PER2: variants seen among roughly 807,000 people sequenced by gnomAD.
The protein encoded by PER2 is period circadian regulator 2.
In PER2, 66 loss-of-function variants were observed where a neutral mutation model predicts 121.0. That is an observed-to-expected ratio of 0.55 (90% confidence interval 0.45 to 0.67). PER2 has a LOEUF of 0.67. Ranked by LOEUF, PER2 falls within the 30% of genes least tolerant of loss-of-function variation. The pLI is 0.00. For synonymous variants in PER2, 684 were observed against 659.9 expected, an observed-to-expected ratio of 1.04 and a Z score of -0.56; for missense variants, 1,521 against 1,635.0, an observed-to-expected ratio of 0.93 and a Z score of 1.20.
chr2:238,291,961 A>G (rs1696957995), upstream of PER2, among the ~76,000 whole-genome samples: 1 of 152,216 alleles, frequency 6.6e-6, no homozygotes, highest in African/African-American at 2.4e-5. Flanking sequence ...CAGGAGTTTG[A>G]GAACAGCCTG....
the PER2 span, chr2:238,299,916 C>T: frequency 3.9e-5 from 6 of 152,252 alleles, no homozygotes. Context: ...GGCATATGCT[C>T]AGCTCTGGTC....
chr2:238,293,513 T>A (rs1469032624), upstream of PER2, among the ~76,000 whole-genome samples: 3 of 152,040 alleles, frequency 2.0e-5, no homozygotes, highest in African/African-American at 7.2e-5. Context: ...GGCAGGCAGA[T>A]CACCTGAGGT....
chr2:238,289,128 C>T (rs777429629), upstream of PER2: 4 of 152,162 alleles, frequency 2.6e-5, no homozygotes, highest in African/African-American at 9.6e-5. Flanking sequence ...GGGAGCTGGG[C>T]GCGGGGCTCC....
intron 16 of PER2, among the ~76,000 whole-genome samples, chr2:238,257,967 C>T (rs1432087527): frequency 1.3e-5 from 2 of 152,210 alleles, no homozygotes; most frequent in South Asian, 2.1e-4. Flanking sequence ...GGTCAGCAGA[C>T]GGCCCCTCAG....
chr2:238,279,231 T>C (rs142060871), intron 1 of PER2, among the ~76,000 whole-genome samples: 31 of 152,288 alleles, frequency 2.0e-4, no homozygotes, highest in African/African-American at 6.7e-4. Flanking sequence ...ATGAAGGCCC[T>C]GCTTGACACA....
At chr2:238,271,652 T>G in intron 5 of PER2, 139 bp from the exon 6 acceptor site, 1 of 696,190 alleles carries the variant, frequency 1.4e-6, no homozygotes, top group East Asian at 2.7e-5. Flanking sequence ...TGCCTAGCCC[T>G]CACCAAAAAA....
chr2:238,248,247 A>G lies in PER2; in HGVS notation c.3618+815T>C, dbSNP rs562543997. On this transcript the variant is annotated intron_variant, in intron 22 of 22. Coordinates refer to ENST00000254657, the MANE Select transcript of PER2 (RefSeq NM_022817.3). Reference sequence around the variant, plus strand: ...CTCACTGCTGCCAATGGTCCCTGGGACGAGGACTGAGAAGTGACACTGTGT... The same window carrying G: ...CTCACTGCTGCCAATGGTCCCTGGGGCGAGGACTGAGAAGTGACACTGTGT... 3.3e-5 allele frequency among the ~76,000 whole-genome samples: 5 copies of G among 152,324 alleles called. No individual in the cohort carries two copies. In the East Asian group the frequency reaches 9.7e-4, roughly 29 times the overall value.
Position 238,268,074 on chromosome 2 carries a change from CT to C in PER2, c.948del (p.Val317CysfsTer45). 1.2e-6 allele frequency: 2 copies of C among 1,614,032 alleles called. No homozygotes were observed. Among genetic ancestry groups the C allele is most frequent in the Non-Finnish European group, 1.7e-6 (2 of 1,180,008 alleles). On this transcript the variant is annotated frameshift_variant, in exon 8 of 23. Transcript: ENST00000254657. LOFTEE classifies it high-confidence loss of function. The surrounding 1 kb of genome is among the most constrained non-coding windows in gnomAD (Gnocchi z 4.0). ...CTGTTACCTTCATAACCAGAGTGCA[CT>C]CTCTCTGCCAGCAGAAGGCAGCAAA... Reference protein sequence around the residue: ...SQLCCLLLAERVHSGYEAPRI... With the variant: ...SQLCCLLLAEXVHSGYEAPRI...
chr2:238,299,211 G>T, the PER2 span: 1 of 152,074 alleles, frequency 6.6e-6, no homozygotes, highest in Non-Finnish European at 1.5e-5. Flanking sequence ...AACGCGGGAG[G>T]CAGAGGTTGC....
At chr2:238,282,089 C>A (rs1696647426) in intron 1 of PER2, among the ~76,000 whole-genome samples, 1 of 152,220 alleles carries the variant, frequency 6.6e-6, no homozygotes, top group Non-Finnish European at 1.5e-5. Flanking sequence ...CGTGCTCAGA[C>A]CCTTGCTCAG....
At chr2:238,283,314 G>A (rs1224851139) in intron 1 of PER2, among the ~76,000 whole-genome samples, 2 of 152,184 alleles carry the variant, frequency 1.3e-5, no homozygotes, top group African/African-American at 2.4e-5. Context: ...ATCTCAGCAG[G>A]GTGTCGTCTT....
In PER2 at chr2:238,253,102, C is replaced by T; in HGVS notation, c.2921G>A (p.Gly974Asp). The stretch of plus-strand genomic sequence containing the variant: ...CTGAAAGAGCGGTGGGGAGGCCCTA[C>T]CCATGGCCGATGGTGGGGTGGCCCG... The part of the protein sequence containing the change: ...ATRATPPSAM[G>D]RASPPLFQSR... The change falls in exon 19 of 23, where the codon GGT (glycine) becomes GAT (aspartate). Residue 974 changes from glycine (G) to aspartate (D), a missense_variant. Physicochemically the swap from Gly to Asp is moderately conservative, Grantham distance 94. Coordinates refer to ENST00000254657, the MANE Select transcript of PER2 (RefSeq NM_022817.3). The surrounding 1 kb of genome is among the most constrained non-coding windows in gnomAD (Gnocchi z 5.6). The T allele has an allele frequency of 6.8e-6, 11 of 1,606,900 alleles. No homozygotes were observed. The highest frequency in any genetic ancestry group is 8.5e-6 in the Non-Finnish European group (10 of 1,174,800).
the PER2 span, chr2:238,299,690 G>T: frequency 4.6e-5 from 7 of 152,254 alleles, no homozygotes; most frequent in African/African-American, 1.7e-4. Flanking sequence ...ATGGACAATT[G>T]AGTAGATAAG....
At position 238,253,700 on chromosome 2, in the gene PER2, C is replaced by T. The variant is rs373980299; in HGVS notation, c.2323G>A (p.Ala775Thr). ...CCGGAAGTATTTCTTAGTCCAGGGG[C>T]AGCTAATGCAGAAAAACAAATACTC... Reference protein sequence around the residue: ...RSKGQPSERTAPGLRNTSGID... With the variant: ...RSKGQPSERTTPGLRNTSGID... The change falls in exon 19 of 23, where the codon GCC (alanine) becomes ACC (threonine). Residue 775 changes from alanine to threonine, a missense_variant and splice_region_variant. Transcript: ENST00000254657. This position sits in a 1 kb window ranked among gnomAD's most constrained non-coding sequence, Gnocchi z 5.6. The T allele has an allele frequency of 2.8e-5, 44 of 1,598,586 alleles. 1 individual carries two copies. In the South Asian group the frequency reaches 3.5e-4, roughly 13 times the overall value.
At chr2:238,270,757 G>A (rs924987829) in intron 6 of PER2, among the ~76,000 whole-genome samples, 7 of 152,204 alleles carry the variant, frequency 4.6e-5, no homozygotes, top group Non-Finnish European at 4.4e-5. Context: ...TGGCTACAGG[G>A]GCAGGCCCAG....
chr2:238,290,014 T>C (rs1297431197), upstream of PER2: 1 of 152,228 alleles, frequency 6.6e-6, no homozygotes. Flanking sequence ...TTTACTCTTC[T>C]TGTTCTTCTT....
chr2:238,268,965 G>A lies in PER2; in HGVS notation c.782C>T (p.Thr261Ile). 3.1e-6 allele frequency: 5 copies of A among 1,611,150 alleles called. No homozygotes were observed. The highest frequency in any genetic ancestry group is 4.2e-6 in the Non-Finnish European group (5 of 1,177,216). Reference sequence around the variant, plus strand: ...AGATTTCTCCTCCATGCATTCTTGAGTAAAAGAATCTAAAAGAGAGAGCCC... The same window carrying A: ...AGATTTCTCCTCCATGCATTCTTGAATAAAAGAATCTAAAAGAGAGAGCCC... ...WSMCSGADSF[T>I]QECMEEKSFF... Residue 261 changes from threonine to isoleucine, a missense_variant, in exon 7 of 23, where the codon ACT becomes ATT. Thr to Ile is a moderately conservative substitution (Grantham distance 89, BLOSUM62 -1). Coordinates refer to ENST00000254657, the MANE Select transcript of PER2 (RefSeq NM_022817.3). This position sits in a 1 kb window ranked among gnomAD's most constrained non-coding sequence, Gnocchi z 4.0.
chr2:238,275,275 TGCAGG>T (rs769077589), intron 4 of PER2, among the ~76,000 whole-genome samples: 15 of 152,234 alleles, frequency 9.9e-5, no homozygotes, highest in Non-Finnish European at 1.8e-4. Flanking sequence ...GAAGATGCTC[TGCAGG>T]GCACCTTCCT....
intron 21 of PER2, among the ~76,000 whole-genome samples, chr2:238,250,306 C>T (rs919291256): frequency 6.6e-6 from 1 of 152,258 alleles, no homozygotes; most frequent in Non-Finnish European, 1.5e-5. Context: ...CTGTCTTCCT[C>T]GAAGGCTGTA....
Sources: gnomAD v4.1 joint callset for allele counts (sites outside exome capture counted in the v4.1 genomes callset) on GRCh38, gnomAD v4.1.1 for gene constraint, Gnocchi (gnomAD v3.1) non-coding constraint, MANE v1.5 for transcripts, NCBI Gene and HGNC (gene_info 2026-07-23, HGNC 2026-07-21) for gene names.